Variants in PCDHGB2 observed in about 807,000 individuals in gnomAD.
PCDHGB2 encodes the protein protocadherin gamma subfamily B, 2.
PCDHGB2 carries 55 observed loss-of-function variants against 59.3 expected under a neutral mutation model. That is an observed-to-expected ratio of 0.93 (90% CI 0.75 to 1.16). The LOEUF (loss-of-function observed/expected upper bound fraction) is 1.16. Among genes scored for constraint, PCDHGB2 ranks in the 50% most tolerant of loss-of-function variants. The pLI, the probability that PCDHGB2 is intolerant of heterozygous loss-of-function variation, is 0.00. For synonymous variants in PCDHGB2, 516 were observed against 512.0 expected, an observed-to-expected ratio of 1.01 and a Z score of -0.11; for missense variants, 1,228 against 1,198.5, an observed-to-expected ratio of 1.02 and a Z score of -0.36.
intron 2 of PCDHGB2, among the ~76,000 whole-genome samples, chr5:141,502,857 ACT>A (rs1332453483): frequency 7.7e-5 from 7 of 91,446 alleles, no homozygotes; most frequent in African/African-American, 4.1e-4. Flanking sequence ...CCTAACCCTG[ACT>A]CTCTGTCTTT....
At chr5:141,436,384 CT>C (rs768914860) in intron 1 of PCDHGB2, among the ~76,000 whole-genome samples, 1 of 152,104 alleles carries the variant, frequency 6.6e-6, no homozygotes, top group Non-Finnish European at 1.5e-5. Context: ...GCTGAATAGG[CT>C]TTATTAAATA....
At position 141,388,975 on chromosome 5, in the gene PCDHGB2, T is replaced by C. The variant is rs1293529479; in HGVS notation, c.2421+26419T>C. The C allele has an allele frequency of 6.8e-6, 11 of 1,613,888 alleles. No homozygotes were observed. The highest frequency in any genetic ancestry group is 8.5e-6 in the Non-Finnish European group (10 of 1,179,894). On this transcript the variant is annotated intron_variant, in intron 1 of 3. Transcript: ENST00000522605. ...GAGGACGCCGAGCTGGGAACACATATTGCTTTGCTCAAAGTCCGTGACAAG... is the reference window on the plus strand; with the variant it reads ...GAGGACGCCGAGCTGGGAACACATACTGCTTTGCTCAAAGTCCGTGACAAG...
intron 1 of PCDHGB2, chr5:141,365,994 A>G: frequency 6.2e-7 from 1 of 1,614,260 alleles, no homozygotes; most frequent in Non-Finnish European, 8.5e-7. Flanking sequence ...GTGCTGGACC[A>G]GAACGACAAT....
chr5:141,400,694 C>G, intron 1 of PCDHGB2: 2 of 763,776 alleles, frequency 2.6e-6, no homozygotes, highest in Non-Finnish European at 4.2e-6. Flanking sequence ...GTTTTTATGT[C>G]GCATAAAAGA....
chr5:141,370,719 GTTGCTGA>G, intron 1 of PCDHGB2: 1 of 1,613,852 alleles, frequency 6.2e-7, no homozygotes. Flanking sequence ...ATTTGAAATG[GTTGCTGA>G]AAAGCCTTTA....
intron 1 of PCDHGB2, among the ~76,000 whole-genome samples, chr5:141,447,724 A>T (rs2098549653): frequency 6.6e-6 from 1 of 152,126 alleles, no homozygotes. Flanking sequence ...ATTTTCCAAA[A>T]CTCATTGAAC....
chr5:141,416,101 C>CT (rs34144584), intron 1 of PCDHGB2: 1 of 158,972 alleles, frequency 6.3e-6, no homozygotes, highest in Non-Finnish European at 1.4e-5. Context: ...GGCAATAGGC[C>CT]TTTTTCAAAC....
rs755190269 is a variant in PCDHGB2 at position 141,385,225 on chromosome 5, G to A, written c.2421+22669G>A. 9.9e-6 allele frequency: 16 copies of A among 1,614,114 alleles called. No individual in the cohort carries two copies. Among genetic ancestry groups the A allele is most frequent in the Non-Finnish European group, 1.3e-5 (15 of 1,180,054 alleles). On this transcript the variant is annotated intron_variant, in intron 1 of 3. Transcript: ENST00000522605. ...CCTGATCTTCCCCCAGCCCAACTAT[G>A]TAGACATGCTCATCAGCCAGGAGAG...
Position 141,491,713 on chromosome 5 carries a change from G to A in PCDHGB2, c.2422-3094G>A. On this transcript the variant is annotated intron_variant, in intron 1 of 3. Transcript: ENST00000522605. This position sits in a 1 kb window ranked among gnomAD's most constrained non-coding sequence, Gnocchi z 6.9. ...GGAGCGGAGCCAGGTGAGGGGCTCG[G>A]CGCCGCCCCGGGCGACCCCTGGGGG... The A allele has an allele frequency of 1.9e-6, 3 of 1,609,174 alleles. No individual in the cohort carries two copies. Among genetic ancestry groups the A allele is most frequent in the Non-Finnish European group, 2.5e-6 (3 of 1,178,054 alleles).
At position 141,410,204 on chromosome 5, in the gene PCDHGB2, T is replaced by C. The variant is rs1212919717; in HGVS notation, c.2421+47648T>C. 11 of 1,613,954 alleles carry C rather than the reference T, an allele frequency of 6.8e-6. No homozygotes were observed. In the South Asian group the frequency reaches 9.9e-5, roughly 14 times the overall value. Reference sequence around the variant, plus strand: ...GCTTCATCTGGTCTTCGCAGACAACTTGCAAGAGATACTGCCAGACCTCAG... The same window carrying C: ...GCTTCATCTGGTCTTCGCAGACAACCTGCAAGAGATACTGCCAGACCTCAG... On this transcript the variant is annotated intron_variant, in intron 1 of 3. Transcript: ENST00000522605.
At chr5:141,415,198 G>T in intron 1 of PCDHGB2, 2 of 1,614,038 alleles carry the variant, frequency 1.2e-6, no homozygotes, top group Non-Finnish European at 1.7e-6. Context: ...CATCCCCCAA[G>T]TCCTGGCGGA....
chr5:141,491,529 G>C lies in PCDHGB2; in HGVS notation c.2422-3278G>C. 1 of 1,614,040 alleles carries C rather than the reference G, an allele frequency of 6.2e-7. No individual in the cohort carries two copies. The highest frequency in any genetic ancestry group is 1.1e-5 in the South Asian group (1 of 91,080). On this transcript the variant is annotated intron_variant, in intron 1 of 3. Coordinates refer to ENST00000522605, the MANE Select transcript of PCDHGB2 (RefSeq NM_018923.3). The surrounding 1 kb of genome is among the most constrained non-coding windows in gnomAD (Gnocchi z 6.9). ...GCACGCTCAAGTACATGGAGGTGACGCTGCGGCCCACAGACTCGCAGAGCC... is the reference window on the plus strand; with the variant it reads ...GCACGCTCAAGTACATGGAGGTGACCCTGCGGCCCACAGACTCGCAGAGCC...
At chr5:141,409,448 C>T in intron 1 of PCDHGB2, 1 of 1,613,546 alleles carries the variant, frequency 6.2e-7, no homozygotes, top group Non-Finnish European at 8.5e-7. Context: ...AGAGCAGACA[C>T]CAGAATACAA....
chr5:141,423,177 C>G (rs748689237), intron 1 of PCDHGB2: 7 of 1,613,430 alleles, frequency 4.3e-6, no homozygotes, highest in Non-Finnish European at 5.1e-6. Context: ...TCCAGGACCA[C>G]GGCCAGCCCC....
Position 141,485,844 on chromosome 5 carries a change from G to T in PCDHGB2, c.2422-8963G>T. On this transcript the variant is annotated intron_variant, in intron 1 of 3. Transcript: ENST00000522605. This position sits in a 1 kb window ranked among gnomAD's most constrained non-coding sequence, Gnocchi z 5.7. ...GATGGAGGGAACCCGCCGAGATCTG[G>T]CACCGCAGAGCTCCGGGTATCCGTG... The T allele has an allele frequency of 1.9e-6, 3 of 1,613,890 alleles. 1 individual carries two copies. The South Asian group carries it at 3.3e-5, about 18-fold the overall frequency.
At chr5:141,402,534 TAC>T (rs2094278313) in intron 1 of PCDHGB2, among the ~76,000 whole-genome samples, 1 of 152,346 alleles carries the variant, frequency 6.6e-6, no homozygotes, top group Non-Finnish European at 1.5e-5. Context: ...GATTTTATAA[TAC>T]ACTTACAGAA....
chr5:141,398,586 A>G, intron 1 of PCDHGB2: 2 of 1,614,054 alleles, frequency 1.2e-6, no homozygotes, highest in Non-Finnish European at 1.7e-6. Flanking sequence ...CAAGATTTAT[A>G]CTAGAAGTAG....
intron 1 of PCDHGB2, chr5:141,424,187 A>C (rs2096804354): frequency 5.3e-6 from 1 of 188,948 alleles, no homozygotes; most frequent in African/African-American, 2.4e-5. Context: ...ACATGCACAC[A>C]CACTTATACA....
intron 1 of PCDHGB2, chr5:141,388,992 C>A: frequency 6.2e-7 from 1 of 1,613,952 alleles, no homozygotes; most frequent in Non-Finnish European, 8.5e-7. Flanking sequence ...GCTCAAAGTC[C>A]GTGACAAGGA....
Sources: gnomAD v4.1 joint callset for allele counts (sites outside exome capture counted in the v4.1 genomes callset) on GRCh38, gnomAD v4.1.1 for gene constraint, Gnocchi (gnomAD v3.1) non-coding constraint, MANE v1.5 for transcripts, NCBI Gene and HGNC (gene_info 2026-07-23, HGNC 2026-07-21) for gene names.